TANC2: variants seen among roughly 807,000 people sequenced by gnomAD.
TANC2 encodes protein TANC2.
Under a neutral mutation model 210.5 loss-of-function variants are expected in TANC2, and 26 were observed. The observed-to-expected ratio is 0.12, with a 90% confidence interval of 0.09 to 0.17. The LOEUF is 0.17. Among genes scored for constraint, TANC2 ranks in the 10% least tolerant of loss-of-function variants. TANC2 has a pLI of 1.00. For synonymous variants in TANC2, 931 were observed against 967.1 expected (o/e 0.96, Z 0.69); for missense variants, 2,129 against 2,608.9 (o/e 0.82, Z 4.01).
intron 5 of TANC2, among the ~76,000 whole-genome samples, chr17:63,161,633 CCCACTT>C (rs951787591): frequency 1.3e-5 from 2 of 152,160 alleles, no homozygotes; most frequent in Non-Finnish European, 2.9e-5. Context: ...CTTTTCTTCT[CCCACTT>C]CTAAAAGTTG....
chr17:63,051,354 C>G (rs992010488), intron 2 of TANC2, among the ~76,000 whole-genome samples: 1 of 152,166 alleles, frequency 6.6e-6, no homozygotes, highest in African/African-American at 2.4e-5. Context: ...AAAACCCTAG[C>G]TCATACTTGA....
At chr17:63,184,854 G>A (rs1040574569) in intron 5 of TANC2, among the ~76,000 whole-genome samples, 10 of 151,370 alleles carry the variant, frequency 6.6e-5, no homozygotes, top group African/African-American at 2.4e-4. Flanking sequence ...ATGGGATTTC[G>A]CCATGTTGGT....
At chr17:62,974,269 C>T (rs1177737897) in intron 1 of TANC2, among the ~76,000 whole-genome samples, 1 of 152,216 alleles carries the variant, frequency 6.6e-6, no homozygotes, top group Non-Finnish European at 1.5e-5. Flanking sequence ...ATAAGACTCT[C>T]ACAAAGTGTG....
intron 7 of TANC2, among the ~76,000 whole-genome samples, chr17:63,232,942 C>CTT (rs1337556743): frequency 2.0e-5 from 3 of 152,250 alleles, no homozygotes; most frequent in African/African-American, 7.2e-5. Context: ...GTTCGTAAAC[C>CTT]TCTGGCTGGA....
intron 11 of TANC2, among the ~76,000 whole-genome samples, chr17:63,325,948 C>T (rs1044053550): frequency 5.3e-5 from 8 of 152,160 alleles, no homozygotes; most frequent in African/African-American, 1.2e-4. Flanking sequence ...ATAAATTAGC[C>T]GCTTTTCTTT....
chr17:63,251,747 A>G (rs1232309459), intron 8 of TANC2, among the ~76,000 whole-genome samples: 1 of 152,138 alleles, frequency 6.6e-6, no homozygotes, highest in African/African-American at 2.4e-5. Context: ...CTTTTTTTTA[A>G]GGTCATTGTA....
chr17:63,354,291 G>T (rs746748261), intron 13 of TANC2, among the ~76,000 whole-genome samples: 2 of 152,114 alleles, frequency 1.3e-5, no homozygotes, highest in African/African-American at 4.8e-5. Flanking sequence ...CAGAAGGCCC[G>T]CATTTAAATG....
At chr17:63,293,883 C>G (rs546774260) in intron 9 of TANC2, among the ~76,000 whole-genome samples, 4 of 152,070 alleles carry the variant, frequency 2.6e-5, no homozygotes, top group African/African-American at 9.6e-5. Flanking sequence ...CACATGCCAC[C>G]ACACCCAGCT....
At chr17:63,253,805 T>TTTGTTG (rs573229154) in intron 8 of TANC2, among the ~76,000 whole-genome samples, 3 of 150,646 alleles carry the variant, frequency 2.0e-5, no homozygotes, top group East Asian at 1.9e-4. Context: ...TTTGAGGGTT[T>TTTGTTG]TTGTTGTTGT....
In TANC2 at chr17:63,422,000, T is replaced by A; in HGVS notation, c.*45T>A. On this transcript the variant is annotated 3_prime_UTR_variant, in exon 28 of 28. Transcript: ENST00000689528. The surrounding 1 kb of genome is among the most constrained non-coding windows in gnomAD (Gnocchi z 6.9). ...AGACCCATATGTTTTCACTGCACAT[T>A]TTCAGGCTTGGTTTCCACATTCGAG... The A allele has an allele frequency of 6.5e-7, 1 of 1,543,258 alleles. No individual in the cohort carries two copies.
At chr17:63,027,667 C>T (rs1322111296) in intron 2 of TANC2, among the ~76,000 whole-genome samples, 1 of 151,720 alleles carries the variant, frequency 6.6e-6, no homozygotes, top group Non-Finnish European at 1.5e-5. Flanking sequence ...TTAATACAAA[C>T]CCATACATGT....
Position 63,358,796 on chromosome 17 carries a change from A to G in TANC2, c.2582+3406A>G, listed in dbSNP as rs146474321. Among the ~76,000 whole-genome samples, 824 of 152,300 alleles carry G rather than the reference A, an allele frequency of 5.4e-3. 10 individuals carry two copies. The highest frequency in any genetic ancestry group is 0.019 in the African/African-American group (792 of 41,562). ...CTCTCATAGTAGAAATTTAAGGCTG[A>G]TAGAGTAGACAGTCGGAGCTACCAG... On this transcript the variant is annotated intron_variant, in intron 14 of 27. Coordinates refer to ENST00000689528, the Ensembl canonical transcript of TANC2.
At chr17:63,305,290 A>G (rs2044864487) in intron 9 of TANC2, 1 of 152,108 alleles carries the variant, frequency 6.6e-6, no homozygotes, top group Non-Finnish European at 1.5e-5. Context: ...TAGCGTACTC[A>G]CTCACTGCCT....
At chr17:63,218,882 G>A (rs551137411) in intron 7 of TANC2, among the ~76,000 whole-genome samples, 33 of 151,964 alleles carry the variant, frequency 2.2e-4, no homozygotes, top group African/African-American at 7.0e-4. Flanking sequence ...CAACAAGAGC[G>A]AGACTCCATC....
chr17:62,998,900 A>G (rs1261592467), intron 1 of TANC2, among the ~76,000 whole-genome samples: 3 of 152,246 alleles, frequency 2.0e-5, no homozygotes, highest in African/African-American at 7.2e-5. Flanking sequence ...ATCCACATAT[A>G]TCAATATCAA....
At chr17:63,357,536 G>A (rs986975916) in intron 14 of TANC2, among the ~76,000 whole-genome samples, 1 of 152,188 alleles carries the variant, frequency 6.6e-6, no homozygotes, top group African/African-American at 2.4e-5. Flanking sequence ...TCACTTAATG[G>A]CAGAGAGTAA....
intron 4 of TANC2, chr17:63,148,918 G>A (rs1436278990): frequency 6.6e-6 from 1 of 152,098 alleles, no homozygotes; most frequent in East Asian, 1.9e-4. Context: ...TGCTGTGTTT[G>A]ACTTACAAAT....
chr17:63,310,148 A>AT (rs1369409775), intron 9 of TANC2, among the ~76,000 whole-genome samples: 1 of 152,190 alleles, frequency 6.6e-6, no homozygotes, highest in Non-Finnish European at 1.5e-5. Flanking sequence ...ACTTTCACAA[A>AT]TTAAAATAGA....
chr17:63,267,693 C>T, intron 8 of TANC2, 55 bp from the exon 9 acceptor site: 1 of 1,580,070 alleles, frequency 6.3e-7, no homozygotes. Context: ...TACAGACTAG[C>T]TGAAAGACAT....
Sources: gnomAD v4.1 joint callset for allele counts (sites outside exome capture counted in the v4.1 genomes callset) on GRCh38, gnomAD v4.1.1 for gene constraint, Gnocchi (gnomAD v3.1) non-coding constraint, MANE v1.5 for transcripts, NCBI Gene and HGNC (gene_info 2026-07-23, HGNC 2026-07-21) for gene names.